RNF43: variants seen among roughly 807,000 people sequenced by gnomAD.
RNF43 encodes the protein E3 ubiquitin-protein ligase RNF43.
In RNF43, 37 loss-of-function variants were observed where a neutral mutation model predicts 78.4. The ratio of observed to expected loss-of-function variants is 0.47; its 90% CI spans 0.36 to 0.62. The LOEUF (loss-of-function observed/expected upper bound fraction) is 0.62. Among genes scored for constraint, RNF43 ranks in the 20% least tolerant of loss-of-function variants. The pLI, the probability that RNF43 is intolerant of heterozygous loss-of-function variation, is 0.00. For synonymous variants in RNF43, 347 were observed against 395.0 expected (o/e 0.88, Z 1.44); for missense variants, 774 against 1,007.9 (o/e 0.77, Z 3.14).
Position 58,357,383 on chromosome 17 carries a change from C to G in RNF43, c.2308+85G>C, listed in dbSNP as rs753921650. On this transcript the variant is annotated intron_variant, in intron 9 of 9. Transcript: ENST00000407977. This position sits in a 1 kb window ranked among gnomAD's most constrained non-coding sequence, Gnocchi z 4.5. Reference sequence around the variant, plus strand: ...TGTATCCTTCTCAGCTTCCATCAACCCTTTGTTGGCTGACTTCACCTGTCC... The same window carrying G: ...TGTATCCTTCTCAGCTTCCATCAACGCTTTGTTGGCTGACTTCACCTGTCC... The G allele has an allele frequency of 9.1e-6, 14 of 1,545,500 alleles. No homozygotes were observed. The African/African-American group carries it at 1.4e-4, about 15-fold the overall frequency.
In RNF43 at chr17:58,371,014, C is replaced by T. The variant is rs2143516000; in HGVS notation, c.272G>A (p.Cys91Tyr). The change falls in exon 3 of 10, where the codon TGC becomes TAC. Residue 91 changes from cysteine to tyrosine, a missense_variant. Transcript: ENST00000407977. ...KLMQSHPLYL[C>Y]NASDDDNLEP... ...CAGATTGTCGTCATCACTGGCATTG[C>T]ACAGGTACAGCGGGTGGGACTGCAG... The T allele has an allele frequency of 6.2e-7, 1 of 1,607,034 alleles. No homozygotes were observed. Among genetic ancestry groups the T allele is most frequent in the Non-Finnish European group, 8.5e-7 (1 of 1,175,762 alleles).
Position 58,408,457 on chromosome 17 carries a change from C to A in RNF43, c.252+6869G>T, listed in dbSNP as rs189815890. Among the ~76,000 whole-genome samples the A allele has an allele frequency of 1.7e-3, 252 of 152,152 alleles. 2 individuals carry two copies. The highest frequency in any genetic ancestry group is 2.5e-3 in the Non-Finnish European group (171 of 68,002). On this transcript the variant is annotated intron_variant, in intron 2 of 9. Transcript: ENST00000407977. ...AAGAAGGTAAGGTCCTTTGGATGCA[C>A]GCTAATATCCTAAAATCAAAGGTTT...
In RNF43 at chr17:58,363,589, C is replaced by T. The variant is rs755845342; in HGVS notation, c.387G>A (p.Ala129=). Reference sequence around the variant, plus strand: ...GGACAGCACTGGCTCCTCGCTCACCCGCCATCCGAGCCTGCAGAGGCACAC... The same window carrying T: ...GGACAGCACTGGCTCCTCGCTCACCTGCCATCCGAGCCTGCAGAGGCACAC... The part of the protein sequence containing the change: ...CLSLASKARM[A]GERGASAVLF... The change falls in exon 4 of 10, where the codon GCG becomes GCA. Residue 129 remains alanine (A), a synonymous_variant. Coordinates refer to ENST00000407977, the MANE Select transcript of RNF43 (RefSeq NM_017763.6). 29 of 1,611,222 alleles carry T rather than the reference C, an allele frequency of 1.8e-5. No individual in the cohort carries two copies. The highest frequency in any genetic ancestry group is 8.9e-5 in the East Asian group (4 of 44,784).
At chr17:58,356,062 T>C (rs1972678916) in intron 9 of RNF43, among the ~76,000 whole-genome samples, 1 of 152,178 alleles carries the variant, frequency 6.6e-6, no homozygotes, top group African/African-American at 2.4e-5. Flanking sequence ...CTGGCAGCAC[T>C]CAAAGTACAC....
At chr17:58,383,968 C>T (rs1598150742) in intron 2 of RNF43, among the ~76,000 whole-genome samples, 3 of 152,164 alleles carry the variant, frequency 2.0e-5, no homozygotes, top group Non-Finnish European at 4.4e-5. Flanking sequence ...ATTCCACCAC[C>T]CTGCCTTTGC....
Position 58,354,185 on chromosome 17 carries a change from G to C in RNF43, c.*758C>G, listed in dbSNP as rs1267268065. ...CTTCATTCCATCCTTCCTCTGCCCA[G>C]ATAAAGTCCAGCAGAAATTCCTCCT... is the stretch of plus-strand genomic sequence containing the variant. On this transcript the variant is annotated 3_prime_UTR_variant, in exon 10 of 10. Transcript: ENST00000407977. 1 of 204,274 alleles carries C rather than the reference G, an allele frequency of 4.9e-6. No individual in the cohort carries two copies. The highest frequency in any genetic ancestry group is 1.0e-5 in the Non-Finnish European group (1 of 99,780). 12.7% of individuals were successfully genotyped at this position (204,274 alleles called of 1,614,324 possible).
intron 2 of RNF43, among the ~76,000 whole-genome samples, chr17:58,412,657 G>A (rs564079828): frequency 6.8e-6 from 1 of 147,564 alleles, no homozygotes; most frequent in Non-Finnish European, 1.5e-5. Flanking sequence ...ATTGTCAAGG[G>A]GGGGGGTCTC....
At chr17:58,405,212 G>C (rs1035840505) in intron 2 of RNF43, among the ~76,000 whole-genome samples, 1 of 151,500 alleles carries the variant, frequency 6.6e-6, no homozygotes, top group African/African-American at 2.4e-5. Context: ...CGAGTAGCTG[G>C]GACTACAGGT....
rs1972798411 is a variant in RNF43 at position 58,360,070 on chromosome 17, CT to C, written c.952+78del. Reference sequence around the variant, plus strand: ...TTCTGCTTTCTCCCCAGCTTCAAGGCTGCAACCCTTTCCCAAAGGGAAGCCA... The same window carrying C: ...TTCTGCTTTCTCCCCAGCTTCAAGGCGCAACCCTTTCCCAAAGGGAAGCCA... On this transcript the variant is annotated intron_variant, in intron 8 of 9. Coordinates refer to ENST00000407977, the MANE Select transcript of RNF43 (RefSeq NM_017763.6). The surrounding 1 kb of genome is among the most constrained non-coding windows in gnomAD (Gnocchi z 4.3). The C allele has an allele frequency of 1.8e-6, 2 of 1,089,798 alleles. No individual in the cohort carries two copies. The highest frequency in any genetic ancestry group is 2.8e-6 in the Non-Finnish European group (2 of 710,100). 67.5% of individuals were successfully genotyped at this position (1,089,798 alleles called of 1,614,324 possible).
In RNF43 at chr17:58,393,172, C is replaced by A. The variant is rs781238772; in HGVS notation, c.253-22139G>T. Among the ~76,000 whole-genome samples, 9 of 152,294 alleles carry A rather than the reference C, an allele frequency of 5.9e-5. No homozygotes were observed. The South Asian group carries it at 1.0e-3, about 18-fold the overall frequency. ...CCTGTAATCCCAGCACTTTTGGAGGCCAAGGTGGGTGGATCACCTGAGGTC... is the reference window on the plus strand; with the variant it reads ...CCTGTAATCCCAGCACTTTTGGAGGACAAGGTGGGTGGATCACCTGAGGTC... On this transcript the variant is annotated intron_variant, in intron 2 of 9. Transcript: ENST00000407977.
chr17:58,363,618 A>G lies in RNF43; in HGVS notation c.376-18T>C, dbSNP rs747508936. Reference sequence around the variant, plus strand: ...ATCCGAGCCTGCAGAGGCACACAGTAGAGGTTGGGCTGAGGTCAGGGAAGG... The same window carrying G: ...ATCCGAGCCTGCAGAGGCACACAGTGGAGGTTGGGCTGAGGTCAGGGAAGG... On this transcript the variant is annotated intron_variant, in intron 3 of 9. Transcript: ENST00000407977. 4.6e-5 allele frequency: 74 copies of G among 1,605,108 alleles called. No homozygotes were observed. Among genetic ancestry groups the G allele is most frequent in the Non-Finnish European group, 6.0e-5 (71 of 1,174,282 alleles).
intron 2 of RNF43, among the ~76,000 whole-genome samples, chr17:58,385,826 G>C (rs1973418800): frequency 6.6e-6 from 1 of 152,100 alleles, no homozygotes; most frequent in Admixed American, 6.5e-5. Flanking sequence ...AAAAATGGAG[G>C]CTGGGCATGG....
At chr17:58,401,083 G>A (rs1036197502) in intron 2 of RNF43, among the ~76,000 whole-genome samples, 85 of 152,222 alleles carry the variant, frequency 5.6e-4, no homozygotes, top group African/African-American at 1.9e-3. Context: ...TGACTTCAGA[G>A]ATATGTTCCT....
At chr17:58,362,671 A>C in intron 5 of RNF43, 23 bp from the exon 6 acceptor site, 1 of 1,579,084 alleles carries the variant, frequency 6.3e-7, no homozygotes, top group Non-Finnish European at 8.7e-7. Context: ...CAGAGAGGGA[A>C]AGGGTCATAC....
At chr17:58,394,495 G>GT (rs1352647391) in intron 2 of RNF43, among the ~76,000 whole-genome samples, 1 of 152,208 alleles carries the variant, frequency 6.6e-6, no homozygotes, top group East Asian at 1.9e-4. Context: ...ATCAAGTAAA[G>GT]TAAGAACTTA....
Position 58,357,646 on chromosome 17 carries a change from C to T in RNF43, c.2130G>A (p.Leu710=), listed in dbSNP as rs1567872691. The change falls in exon 9 of 10, where the codon CTG becomes CTA. Residue 710 remains leucine, a synonymous_variant. Transcript: ENST00000407977. This position sits in a 1 kb window ranked among gnomAD's most constrained non-coding sequence, Gnocchi z 4.5. ...AACAGGGGCCTGGGGTTTCTGGTAG[C>T]AGCCTCTTGTCCAGGCCTGGAGGTC... ...ICGPPGLDKR[L]LPETPGPCYS... 1.2e-6 allele frequency: 2 copies of T among 1,613,786 alleles called. No homozygotes were observed. Among genetic ancestry groups the T allele is most frequent in the Admixed American group, 1.7e-5 (1 of 60,020 alleles).
In RNF43 at chr17:58,358,183, A is replaced by G. The variant is rs2143406821; in HGVS notation, c.1593T>C (p.Arg531=). The G allele has an allele frequency of 6.2e-7, 1 of 1,612,430 alleles. No homozygotes were observed. Among genetic ancestry groups the G allele is most frequent in the African/African-American group, 1.3e-5 (1 of 74,914 alleles). ...CTGTGGGCACCACCGAGTCCAAGGA[A>G]CGAGGCCGAGAGGTCACACTAGGCT... ...DMQPSVTSRP[R]SLDSVVPTGE... is the part of the protein sequence containing the mutation. Residue 531 remains arginine, a synonymous_variant, in exon 9 of 10, where the codon CGT becomes CGC. Coordinates refer to ENST00000407977, the MANE Select transcript of RNF43 (RefSeq NM_017763.6). This position sits in a 1 kb window ranked among gnomAD's most constrained non-coding sequence, Gnocchi z 6.2.
At chr17:58,366,495 G>C (rs1483462160) in intron 3 of RNF43, among the ~76,000 whole-genome samples, 3 of 152,214 alleles carry the variant, frequency 2.0e-5, no homozygotes, top group African/African-American at 2.4e-5. Context: ...GGGCTGGTCA[G>C]GAAAGATTCA....
intron 2 of RNF43, chr17:58,395,116 C>G (rs1973649237): frequency 6.6e-6 from 1 of 152,188 alleles, no homozygotes; most frequent in African/African-American, 2.4e-5. Flanking sequence ...ACACTGATTT[C>G]CTTCCTCACA....
Sources: gnomAD v4.1 joint callset for allele counts (sites outside exome capture counted in the v4.1 genomes callset) on GRCh38, gnomAD v4.1.1 for gene constraint, Gnocchi (gnomAD v3.1) non-coding constraint, MANE v1.5 for transcripts, NCBI Gene and HGNC (gene_info 2026-07-23, HGNC 2026-07-21) for gene names.